The following BAIAP3 variants were observed in gnomAD, a reference collection of about 807,000 sequenced individuals.
BAIAP3 encodes BAI1-associated protein 3.
In BAIAP3, 180 loss-of-function variants were observed where a neutral mutation model predicts 149.7. That is an observed-to-expected ratio of 1.20 (90% confidence interval 1.07 to 1.36). The LOEUF (loss-of-function observed/expected upper bound fraction) is 1.36, where lower values mean the gene tolerates loss of function less well. BAIAP3 is among the 40% of genes most tolerant of loss of function. The pLI is 0.00. For missense variants in BAIAP3, 1,767 were observed against 1,563.4 expected (o/e 1.13, Z -2.20); for synonymous variants, 845 against 670.7 (o/e 1.26, Z -4.02).
Position 1,346,252 on chromosome 16 carries a change from CCACGGGGCCCGAGGGGGT to C in BAIAP3, c.2385_2402del (p.Thr796_Val801del). On this transcript the variant is annotated inframe_deletion, in exon 25 of 34. Transcript: ENST00000426824. ...AAGGGCCTGGCATGGCCAGAGGGGG[CCACGGGGCCCGAGGGGGT>C]GCTCCCCCGCCCTCTGCTCAGCTGC... The C allele has an allele frequency of 1.9e-6, 3 of 1,611,002 alleles. No individual in the cohort carries two copies. Among genetic ancestry groups the C allele is most frequent in the Middle Eastern group, 1.7e-4 (1 of 6,046 alleles).
At chr16:1,339,351 G>C in intron 4 of BAIAP3, 107 bp downstream of exon 4, 2 of 1,503,834 alleles carry the variant, frequency 1.3e-6, no homozygotes, top group Non-Finnish European at 1.8e-6. Flanking sequence ...CAGAGAGCCA[G>C]GGTGAGTGGG....
chr16:1,346,539 G>C (rs373174182), intron 26 of BAIAP3, 29 bp downstream of exon 26: 14 of 1,595,222 alleles, frequency 8.8e-6, no homozygotes, highest in Non-Finnish European at 1.1e-5. Context: ...GGCCGTGGAG[G>C]ACTGTGTGTA....
rs1478158857 is a variant in BAIAP3 at position 1,341,113 on chromosome 16, G to A, written c.469-16G>A. 9.3e-6 allele frequency: 15 copies of A among 1,611,046 alleles called. No individual in the cohort carries two copies. Among genetic ancestry groups the A allele is most frequent in the South Asian group, 2.2e-5 (2 of 90,932 alleles). ...AGCTCAGCCTCACCAGGCCCCCCAC[G>A]CCCCTCTGTCCACAGGCCCCCACGT... is the stretch of plus-strand genomic sequence containing the variant. On this transcript the variant is annotated splice_polypyrimidine_tract_variant and intron_variant, in intron 6 of 33. Transcript: ENST00000426824.
At position 1,344,067 on chromosome 16, in the gene BAIAP3, C is replaced by T; in HGVS notation, c.1432C>T (p.Leu478=). The T allele has an allele frequency of 6.2e-7, 1 of 1,612,396 alleles. No individual in the cohort carries two copies. Among genetic ancestry groups the T allele is most frequent in the Non-Finnish European group, 8.5e-7 (1 of 1,179,926 alleles). ...CCTTTCCGCCTTCTCTGAGTTCGGG[C>T]TGCAGCTGCTGCGCCAGCTCCGAGA... ...DSLSAFSEFG[L]QLLRQLRDYF... The change falls in exon 16 of 34, where the codon CTG becomes TTG. Residue 478 remains leucine (L), a synonymous_variant. Transcript: ENST00000426824.
Position 1,338,658 on chromosome 16 carries a change from C to T in BAIAP3, c.109C>T (p.Gln37Ter). 6.3e-7 allele frequency: 1 copy of T among 1,587,852 alleles called. No homozygotes were observed. Among genetic ancestry groups the T allele is most frequent in the Non-Finnish European group, 8.6e-7 (1 of 1,168,958 alleles). Residue 37 changes from glutamine (Q) to a stop codon, truncating the protein, a stop_gained, in exon 2 of 34, where the codon CAG (glutamine) becomes TAG (stop). Transcript: ENST00000426824. LOFTEE classifies it high-confidence loss of function. ...CCCAGGGAGTGCCAGCGCCGACCCG[C>T]AGGAGCCTGCCACGGGGGCCTGGTG... ...QDPGSASADP[Q>*]EPATGAWKPG...
intron 33 of BAIAP3, 36 bp downstream of exon 33, chr16:1,348,337 G>A (rs1170059180): frequency 6.2e-7 from 1 of 1,606,094 alleles, no homozygotes; most frequent in African/African-American, 1.3e-5. Flanking sequence ...GGGGCAGCGG[G>A]CCTGACCCCG....
In BAIAP3 at chr16:1,346,507, T is replaced by C. The variant is rs1250622315; in HGVS notation, c.2559T>C (p.Asp853=). ...ISLSPDSIQN[D]EAVAPLMKYL... ...TCTCGCCTGACTCCATCCAGAACGA[T>C]GAGGTGAGTGCCGGGGCGAGGGGCC... The change falls in exon 26 of 34, where the codon GAT becomes GAC. Residue 853 remains aspartate (D), a synonymous_variant. Coordinates refer to ENST00000426824, the MANE Select transcript of BAIAP3 (RefSeq NM_001199097.2). The C allele has an allele frequency of 5.6e-6, 9 of 1,610,468 alleles. No individual in the cohort carries two copies. Among genetic ancestry groups the C allele is most frequent in the African/African-American group, 1.3e-5 (1 of 75,002 alleles).
chr16:1,341,762 A>C, intron 8 of BAIAP3, 60 bp from the exon 9 acceptor site: 1 of 1,563,070 alleles, frequency 6.4e-7, no homozygotes, highest in Non-Finnish European at 8.7e-7. Context: ...GGACTCCCTG[A>C]CCCCGGCCTG....
At position 1,346,078 on chromosome 16, in the gene BAIAP3, G is replaced by A. The variant is rs145273600; in HGVS notation, c.2301G>A (p.Ala767=). The A allele has an allele frequency of 1.1e-5, 17 of 1,610,050 alleles. No individual in the cohort carries two copies. The highest frequency in any genetic ancestry group is 4.5e-5 in the East Asian group (2 of 44,814). Residue 767 remains alanine (A), a splice_region_variant and synonymous_variant, in exon 24 of 34, where the codon GCG becomes GCA. Transcript: ENST00000426824. ...PGAAGEAVSE[A]LCVVLNNVEL... is the part of the protein sequence containing the mutation. Reference sequence around the variant, plus strand: ...CGGCCGGTGAAGCAGTGAGCGAGGCGGTGAGTGACCAGCTGGGGAGGGGAG... The same window carrying A: ...CGGCCGGTGAAGCAGTGAGCGAGGCAGTGAGTGACCAGCTGGGGAGGGGAG...
intron 15 of BAIAP3, 140 bp downstream of exon 15, chr16:1,343,653 G>A: frequency 7.5e-7 from 1 of 1,338,340 alleles, no homozygotes; most frequent in Non-Finnish European, 1.0e-6. Context: ...TGACGTGGGC[G>A]AGAGCCAGCG....
intron 1 of BAIAP3, chr16:1,336,124 A>G: frequency 1.3e-6 from 1 of 773,886 alleles, no homozygotes; most frequent in Non-Finnish European, 1.6e-6. Context: ...CAGGACTGCG[A>G]GCCCCCATCG....
chr16:1,339,578 A>T lies in BAIAP3; in HGVS notation c.383A>T (p.Glu128Val). Residue 128 changes from glutamate to valine, a missense_variant, in exon 5 of 34, where the codon GAG (glutamate) becomes GTG (valine). Physicochemically the swap from Glu to Val is moderately radical, Grantham distance 121. Transcript: ENST00000426824. ...GGCCCTGACCAGGTGGACGACGAGG[A>T]GGCCCTGCTCAGCTATCTCCAGCAG... ...TMGPDQVDDE[E>V]ALLSYLQQVF... is the part of the protein sequence containing the mutation. 1 of 1,612,486 alleles carries T rather than the reference A, an allele frequency of 6.2e-7. No homozygotes were observed. The highest frequency in any genetic ancestry group is 8.5e-7 in the Non-Finnish European group (1 of 1,179,766).
rs761756651 is a variant in BAIAP3, at chr16:1,339,260, G to A, written c.300+16G>A. On this transcript the variant is annotated intron_variant, in intron 4 of 33. Transcript: ENST00000426824. Reference sequence around the variant, plus strand: ...CCCAGAGGAGGTAAAGGTGGGGGTCGGAACCAGGGGCAGTCGTCTGCAGCG... The same window carrying A: ...CCCAGAGGAGGTAAAGGTGGGGGTCAGAACCAGGGGCAGTCGTCTGCAGCG... 1.3e-5 allele frequency: 20 copies of A among 1,555,432 alleles called. No individual in the cohort carries two copies. Among genetic ancestry groups the A allele is most frequent in the African/African-American group, 6.8e-5 (5 of 73,748 alleles).
chr16:1,338,839 T>C (rs544110355), intron 2 of BAIAP3, 63 bp from the exon 3 acceptor site: 1,112 of 1,599,554 alleles, frequency 7.0e-4, no homozygotes, highest in Non-Finnish European at 9.1e-4. Context: ...GCCCCTGGAG[T>C]CGAGGGTCCC....
At chr16:1,346,707 G>A in intron 27 of BAIAP3, 23 bp downstream of exon 27, 2 of 1,496,418 alleles carry the variant, frequency 1.3e-6, no homozygotes, top group South Asian at 1.2e-5. Context: ...GGGGTGGGAT[G>A]GGCTGGGCTG....
At position 1,344,643 on chromosome 16, in the gene BAIAP3, G is replaced by A. The variant is rs200197916; in HGVS notation, c.1702G>A (p.Ala568Thr). The A allele has an allele frequency of 1.4e-5, 23 of 1,613,306 alleles. No individual in the cohort carries two copies. Among genetic ancestry groups the A allele is most frequent in the Middle Eastern group, 1.6e-4 (1 of 6,062 alleles). The change falls in exon 19 of 34, where the codon GCC becomes ACC. Residue 568 changes from alanine (A) to threonine (T), a missense_variant. By Grantham distance (58) the Ala-to-Thr change is moderately conservative. Transcript: ENST00000426824. ...RLPGLVVLADAVYDDLQFCYS... is the reference protein window; with the variant it reads ...RLPGLVVLADTVYDDLQFCYS... ...GCCTGGGCTGGTTGTGCTGGCTGACGCCGTCTATGATGACCTTCAGTTCTG... is the reference window on the plus strand; with the variant it reads ...GCCTGGGCTGGTTGTGCTGGCTGACACCGTCTATGATGACCTTCAGTTCTG...
intron 33 of BAIAP3, 33 bp downstream of exon 33, chr16:1,348,334 CG>C: frequency 6.2e-7 from 1 of 1,603,958 alleles, no homozygotes; most frequent in South Asian, 1.1e-5. Context: ...GCAGGGGCAG[CG>C]GGCCTGACCC....
In BAIAP3 at chr16:1,346,326, G is replaced by T. The variant is rs1196646126; in HGVS notation, c.2458G>T (p.Glu820Ter). 6.2e-7 allele frequency: 1 copy of T among 1,604,118 alleles called. No homozygotes were observed. Among genetic ancestry groups the T allele is most frequent in the African/African-American group, 1.3e-5 (1 of 74,762 alleles). ...TQALDDDLQR[E>*]AHTVTAHLTS... Reference sequence around the variant, plus strand: ...GGCCCTGGACGATGATCTGCAACGGGAGGCCCACACGGTGACAGCGCACCT... The same window carrying T: ...GGCCCTGGACGATGATCTGCAACGGTAGGCCCACACGGTGACAGCGCACCT... Residue 820 changes from glutamate (E) to a stop codon, truncating the protein, a stop_gained, in exon 25 of 34, where the codon GAG becomes TAG. Transcript: ENST00000426824. LOFTEE classifies it high-confidence loss of function.
chr16:1,336,356 G>T (rs990786334), intron 1 of BAIAP3: 23 of 985,024 alleles, frequency 2.3e-5, no homozygotes, highest in Admixed American at 1.2e-4. Flanking sequence ...CCCATCTTTT[G>T]GGGGGGAGGC....
Sources: allele counts gnomAD v4.1 joint callset, GRCh38; gene constraint gnomAD v4.1.1; transcripts MANE v1.5; gene names NCBI Gene and HGNC (gene_info 2026-07-23, HGNC 2026-07-21).